The following NBEAL2 variants were observed in gnomAD, a reference collection of about 807,000 sequenced individuals.
NBEAL2 encodes neurobeachin-like protein 2.
Under a neutral mutation model 299.8 loss-of-function variants are expected in NBEAL2, and 160 were observed. The ratio of observed to expected loss-of-function variants is 0.53; its 90% CI spans 0.47 to 0.61. The LOEUF is 0.61. NBEAL2 is among the 20% of genes least tolerant of loss of function. NBEAL2 has a pLI of 0.00. For missense variants in NBEAL2, 3,112 were observed against 3,649.0 expected (o/e 0.85, Z 3.79); for synonymous variants, 1,493 against 1,542.3 (o/e 0.97, Z 0.75).
At chr3:47,007,501 T>C in intron 47 of NBEAL2, 24 bp from the exon 48 acceptor site, 1 of 1,600,332 alleles carries the variant, frequency 6.2e-7, no homozygotes, top group South Asian at 1.1e-5. Context: ...CTGGCCTCAC[T>C]TGCTATCCCC....
In NBEAL2 at chr3:47,005,276, G is replaced by A. The variant is rs376261215; in HGVS notation, c.6515G>A (p.Arg2172His). 3.1e-6 allele frequency: 5 copies of A among 1,613,264 alleles called. No individual in the cohort carries two copies. The highest frequency in any genetic ancestry group is 1.7e-5 in the Admixed American group (1 of 60,008). ...GCAGGCGTGATGCACTACCTCATCC[G>A]CGTGGAGCCCTTCACCTCCCTGCAC... Reference protein sequence around the residue: ...NAAGVMHYLIRVEPFTSLHVQ... With the variant: ...NAAGVMHYLIHVEPFTSLHVQ... Residue 2172 changes from arginine (R) to histidine (H), a missense_variant, in exon 40 of 54, where the codon CGC becomes CAC. By Grantham distance (29) the Arg-to-His change is conservative. Coordinates refer to ENST00000450053, the MANE Select transcript of NBEAL2 (RefSeq NM_015175.3).
intron 21 of NBEAL2, 90 bp from the exon 22 acceptor site, chr3:46,998,373 G>C (rs1308821577): frequency 6.6e-6 from 10 of 1,515,992 alleles, no homozygotes; most frequent in African/African-American, 1.4e-5. Flanking sequence ...CCCTGCCCTG[G>C]AAGTCTGACA....
chr3:47,002,563 G>A (rs747343232), intron 32 of NBEAL2, 43 bp downstream of exon 32: 21 of 1,610,030 alleles, frequency 1.3e-5, no homozygotes, highest in Non-Finnish European at 1.8e-5. Context: ...CTCCACACAT[G>A]CACCCAGGAG....
intron 16 of NBEAL2, 59 bp from the exon 17 acceptor site, chr3:46,996,692 T>C: frequency 6.4e-7 from 1 of 1,574,302 alleles, no homozygotes; most frequent in Non-Finnish European, 8.7e-7. Flanking sequence ...TCAGGCAGTC[T>C]CTGGATGGGG....
In NBEAL2 at chr3:46,995,835, G is replaced by A. The variant is rs752982433; in HGVS notation, c.2020G>A (p.Asp674Asn). ...GAGTTTGCCCGAAGTGTCCTTTGCC[G>A]ACTCTGCCTGGGTGAGACCCCATCC... ...TMSLPEVSFA[D>N]SAWHCVAIVH... The change falls in exon 14 of 54, where the codon GAC becomes AAC. Residue 674 changes from aspartate (D) to asparagine (N), a missense_variant. Around this residue, in one of 3 missense-constraint regions of NBEAL2, gnomAD observed 2,243 missense variants for 2,538.1 expected, o/e 0.88. Coordinates refer to ENST00000450053, the MANE Select transcript of NBEAL2 (RefSeq NM_015175.3). 21 of 1,613,746 alleles carry A rather than the reference G, an allele frequency of 1.3e-5. No homozygotes were observed. Among genetic ancestry groups the A allele is most frequent in the Middle Eastern group, 1.6e-4 (1 of 6,084 alleles).
chr3:46,988,645 A>T lies in NBEAL2; in HGVS notation c.52-24A>T. 6.2e-7 allele frequency: 1 copy of T among 1,603,274 alleles called. No individual in the cohort carries two copies. The highest frequency in any genetic ancestry group is 8.5e-7 in the Non-Finnish European group (1 of 1,171,056). On this transcript the variant is annotated intron_variant, in intron 1 of 53. Transcript: ENST00000450053. The surrounding 1 kb of genome is among the most constrained non-coding windows in gnomAD (Gnocchi z 4.4). ...TACTGCATCCCTCCTGCCCCCCACC[A>T]CTGTTCCCCTGTTCTGCCTACAGAA...
rs1009805577 is a variant in NBEAL2, at chr3:47,002,040, A to T, written c.4903A>T (p.Thr1635Ser). ...GGCTGCACTGGGGCGGGTGCTGAAC[A>T]CCTCTTCCTTGGAGTCAGCCACTGA... The part of the protein sequence containing the change: ...LEAALGRVLN[T>S]SSLESATDEA... Residue 1635 changes from threonine to serine, a missense_variant, in exon 31 of 54, where the codon ACC becomes TCC. By Grantham distance (58) the Thr-to-Ser change is moderately conservative. Transcript: ENST00000450053. 6.4e-7 allele frequency: 1 copy of T among 1,560,932 alleles called. No homozygotes were observed. Among genetic ancestry groups the T allele is most frequent in the Middle Eastern group, 1.7e-4 (1 of 6,000 alleles).
chr3:46,981,872 C>T (rs1277667680), intron 1 of NBEAL2: 1 of 152,368 alleles, frequency 6.6e-6, no homozygotes, highest in African/African-American at 2.4e-5. Context: ...CCCCCCATCC[C>T]CTCAGGAGGT....
Position 46,991,485 on chromosome 3 carries a change from C to T in NBEAL2, c.722C>T (p.Ala241Val). 2 of 1,612,444 alleles carry T rather than the reference C, an allele frequency of 1.2e-6. No individual in the cohort carries two copies. The highest frequency in any genetic ancestry group is 2.2e-5 in the South Asian group (2 of 91,064). The change falls in exon 8 of 54, where the codon GCC (alanine) becomes GTC (valine). Residue 241 changes from alanine to valine, a missense_variant. Ala to Val is a moderately conservative substitution (Grantham distance 64). This residue lies in a region of NBEAL2 where 2,243 missense variants were observed against 2,538.1 expected (regional missense o/e 0.88). Coordinates refer to ENST00000450053, the MANE Select transcript of NBEAL2 (RefSeq NM_015175.3). This position sits in a 1 kb window ranked among gnomAD's most constrained non-coding sequence, Gnocchi z 6.2. ...GTGCGGGGCTGGAGCCGTGGGCCAG[C>T]CCCGGACCCGTGCCTAGTGCCACTG... is the stretch of plus-strand genomic sequence containing the variant. Reference protein sequence around the residue: ...SVVRGWSRGPAPDPCLVPLAL... With the variant: ...SVVRGWSRGPVPDPCLVPLAL...
Position 46,988,945 on chromosome 3 carries a change from C to T in NBEAL2, c.244C>T (p.Leu82Phe). Reference protein sequence around the residue: ...QADLEQALLLLKLFIILCRNL... With the variant: ...QADLEQALLLFKLFIILCRNL... The stretch of plus-strand genomic sequence containing the variant: ...TGACCTGGAGCAAGCCCTCCTGCTG[C>T]TCAAGCTCTTCATCATTCTCTGCAG... Residue 82 changes from leucine to phenylalanine, a missense_variant, in exon 3 of 54, where the codon CTC becomes TTC. Physicochemically the swap from Leu to Phe is conservative, Grantham distance 22. This residue lies in a region of NBEAL2 where 2,243 missense variants were observed against 2,538.1 expected (regional missense o/e 0.88). Coordinates refer to ENST00000450053, the MANE Select transcript of NBEAL2 (RefSeq NM_015175.3). This position sits in a 1 kb window ranked among gnomAD's most constrained non-coding sequence, Gnocchi z 4.4. The T allele has an allele frequency of 6.2e-7, 1 of 1,612,986 alleles. No homozygotes were observed. The highest frequency in any genetic ancestry group is 8.5e-7 in the Non-Finnish European group (1 of 1,179,268).
rs1197050248 is a variant in NBEAL2, at chr3:47,006,467, C to T, written c.7134+18C>T. The T allele has an allele frequency of 1.4e-5, 22 of 1,553,186 alleles. No homozygotes were observed. The highest frequency in any genetic ancestry group is 1.9e-5 in the Admixed American group (1 of 51,728). On this transcript the variant is annotated intron_variant, in intron 45 of 53. Transcript: ENST00000450053. ...TCGCAGAGGTGAAAGGAAGACAAGA[C>T]CTCAACTTTATATTCTGTGAAATGG...
chr3:47,009,215 C>T lies in NBEAL2; in HGVS notation c.8164-4C>T. On this transcript the variant is annotated splice_region_variant and splice_polypyrimidine_tract_variant and intron_variant, in intron 53 of 53. Transcript: ENST00000450053. ...TGATCCTACTCAACCCTTACGCCCA[C>T]CAGGTGCGCAGCAGCCAGTTCGCGC... 1 of 1,591,792 alleles carries T rather than the reference C, an allele frequency of 6.3e-7. No individual in the cohort carries two copies. The highest frequency in any genetic ancestry group is 8.5e-7 in the Non-Finnish European group (1 of 1,170,944).
rs1391877230 is a variant in NBEAL2 at position 47,004,131 on chromosome 3, G to A, written c.5936G>A (p.Arg1979Gln). 7 of 1,613,442 alleles carry A rather than the reference G, an allele frequency of 4.3e-6. No homozygotes were observed. The highest frequency in any genetic ancestry group is 2.7e-5 in the African/African-American group (2 of 74,832). ...GCCCAGCTGCGTGAGGTCCACCTGC[G>A]GCGTTTCAACCTGCGCCGTTCAGCA... is the stretch of plus-strand genomic sequence containing the variant. ...PLAQLREVHL[R>Q]RFNLRRSALE... The change falls in exon 37 of 54, where the codon CGG becomes CAG. Residue 1979 changes from arginine to glutamine, a missense_variant. This residue lies in a region of NBEAL2 where 521 missense variants were observed against 729.6 expected (regional missense o/e 0.71). Coordinates refer to ENST00000450053, the MANE Select transcript of NBEAL2 (RefSeq NM_015175.3). The surrounding 1 kb of genome is among the most constrained non-coding windows in gnomAD (Gnocchi z 5.0).
chr3:46,997,997 G>A (rs113259319), intron 20 of NBEAL2, 70 bp from the exon 21 acceptor site: 3 of 1,476,706 alleles, frequency 2.0e-6, no homozygotes, highest in South Asian at 1.3e-5. Flanking sequence ...AGGGAAGAGT[G>A]GCAGCTGAAA....
At chr3:46,993,556 G>T (rs2036262074) in intron 10 of NBEAL2, among the ~76,000 whole-genome samples, 1 of 152,194 alleles carries the variant, frequency 6.6e-6, no homozygotes, top group Non-Finnish European at 1.5e-5. Context: ...AATCACTGTG[G>T]GTGATGGGGC....
chr3:46,995,888 G>A, intron 14 of NBEAL2, 42 bp downstream of exon 14: 1 of 1,613,396 alleles, frequency 6.2e-7, no homozygotes, highest in South Asian at 1.1e-5. Context: ...AGAGAGAGGG[G>A]TGCTGAGTCC....
rs1255872281 is a variant in NBEAL2 at position 47,000,187 on chromosome 3, C to G, written c.4088C>G (p.Ser1363Cys). The G allele has an allele frequency of 1.2e-6, 2 of 1,613,856 alleles. No individual in the cohort carries two copies. Among genetic ancestry groups the G allele is most frequent in the Non-Finnish European group, 1.7e-6 (2 of 1,179,890 alleles). Residue 1363 changes from serine to cysteine, a missense_variant, in exon 27 of 54, where the codon TCT becomes TGT. Physicochemically the swap from Ser to Cys is moderately radical, Grantham distance 112. Transcript: ENST00000450053. The surrounding 1 kb of genome is among the most constrained non-coding windows in gnomAD (Gnocchi z 4.5). ...CCCTTTGACCTGGGCCTGGAACGGTCTAGTGTAGGATCAGGCAACACTGCT... is the reference window on the plus strand; with the variant it reads ...CCCTTTGACCTGGGCCTGGAACGGTGTAGTGTAGGATCAGGCAACACTGCT... ...CTPFDLGLERSSVGSGNTAGG... is the reference protein window; with the variant it reads ...CTPFDLGLERCSVGSGNTAGG...
chr3:47,002,620 G>A, intron 32 of NBEAL2, 25 bp from the exon 33 acceptor site: 1 of 1,608,192 alleles, frequency 6.2e-7, no homozygotes, highest in Non-Finnish European at 8.5e-7. Context: ...GCAGCCAGGG[G>A]ACTGACCTAT....
At position 46,998,795 on chromosome 3, in the gene NBEAL2, C is replaced by G. The variant is rs779670909; in HGVS notation, c.3300C>G (p.Phe1100Leu). The G allele has an allele frequency of 6.4e-7, 1 of 1,566,642 alleles. No individual in the cohort carries two copies. Among genetic ancestry groups the G allele is most frequent in the Non-Finnish European group, 8.7e-7 (1 of 1,155,802 alleles). The change falls in exon 23 of 54, where the codon TTC (phenylalanine) becomes TTG (leucine). Residue 1100 changes from phenylalanine (F) to leucine (L), a missense_variant. Coordinates refer to ENST00000450053, the MANE Select transcript of NBEAL2 (RefSeq NM_015175.3). ...CCCTCCTGGGCCTGGCGAGGGAGTT[C>G]CTGGTGCGGAGTCTCTCAGCAGATG... ...QTSLLGLARE[F>L]LVRSLSADDV...
Sources: gnomAD v4.1 joint callset for allele counts (sites outside exome capture counted in the v4.1 genomes callset) on GRCh38, gnomAD v4.1.1 for gene constraint, gnomAD v4.1.1 regional missense constraint, Gnocchi (gnomAD v3.1) non-coding constraint, MANE v1.5 for transcripts, NCBI Gene and HGNC (gene_info 2026-07-23, HGNC 2026-07-21) for gene names.